The following SLC16A12 variants were observed in gnomAD, a reference collection of about 807,000 sequenced individuals.
The protein encoded by SLC16A12 is solute carrier family 16 member 12.
In SLC16A12, 17 loss-of-function variants were observed where a neutral mutation model predicts 42.4. The ratio of observed to expected loss-of-function variants is 0.40; its 90% CI spans 0.27 to 0.60. The LOEUF (loss-of-function observed/expected upper bound fraction) is 0.60, where lower values mean the gene tolerates loss of function less well. SLC16A12 is among the 20% of genes least tolerant of loss of function. The pLI is 0.42. For synonymous variants in SLC16A12, 224 were observed against 229.4 expected (o/e 0.98, Z 0.21); for missense variants, 544 against 623.0 (o/e 0.87, Z 1.35).
At chr10:89,499,935 A>G (rs994657093) in intron 2 of SLC16A12, among the ~76,000 whole-genome samples, 2 of 152,226 alleles carry the variant, frequency 1.3e-5, no homozygotes, top group Non-Finnish European at 2.9e-5. Flanking sequence ...AGAAAATCCA[A>G]ATAAGCTCGA....
intron 2 of SLC16A12, among the ~76,000 whole-genome samples, chr10:89,543,896 A>G (rs1252470403): frequency 6.6e-6 from 1 of 152,230 alleles, no homozygotes; most frequent in African/African-American, 2.4e-5. Context: ...TAAGTGCCCA[A>G]TATGTGTCAG....
At chr10:89,490,788 C>G (rs1842834900) in intron 2 of SLC16A12, among the ~76,000 whole-genome samples, 2 of 152,172 alleles carry the variant, frequency 1.3e-5, no homozygotes, top group Non-Finnish European at 2.9e-5. Flanking sequence ...TTCGGCCCCT[C>G]TCTACTCCTG....
intron 2 of SLC16A12, among the ~76,000 whole-genome samples, chr10:89,549,667 G>T (rs546856235): frequency 6.6e-6 from 1 of 152,034 alleles, no homozygotes; most frequent in Non-Finnish European, 1.5e-5. Context: ...GCTTTAGGGC[G>T]TTTCCACCTA....
chr10:89,457,076 C>T (rs543916962), intron 3 of SLC16A12, among the ~76,000 whole-genome samples: 16 of 151,916 alleles, frequency 1.1e-4, no homozygotes, highest in African/African-American at 2.7e-4. Flanking sequence ...GTATATACCC[C>T]GTAATGGGAT....
At chr10:89,535,923 G>A (rs748756427), upstream of SLC16A12, among the ~76,000 whole-genome samples, 1 of 152,254 alleles carries the variant, frequency 6.6e-6, no homozygotes, top group Non-Finnish European at 1.5e-5. Flanking sequence ...CCTTCGAAAT[G>A]CACCGGCTCA....
At chr10:89,528,002 C>T (rs1384051260) in intron 2 of SLC16A12, among the ~76,000 whole-genome samples, 1 of 152,076 alleles carries the variant, frequency 6.6e-6, no homozygotes, top group African/African-American at 2.4e-5. Context: ...GTTTAAACTC[C>T]TATCTTTCTT....
At chr10:89,544,339 T>A (rs1044794072) in intron 2 of SLC16A12, among the ~76,000 whole-genome samples, 1 of 152,156 alleles carries the variant, frequency 6.6e-6, no homozygotes, top group Non-Finnish European at 1.5e-5. Flanking sequence ...CCCAACCAGA[T>A]GTGGAGTATG....
chr10:89,462,854 C>A, intron 2 of SLC16A12: 1 of 397,680 alleles, frequency 2.5e-6, no homozygotes, highest in Non-Finnish European at 4.4e-6. Context: ...TATTTGATAC[C>A]ATTTTTCCCT....
intron 2 of SLC16A12, among the ~76,000 whole-genome samples, chr10:89,481,249 T>C (rs537569725): frequency 6.6e-5 from 10 of 152,310 alleles, no homozygotes; most frequent in Admixed American, 2.0e-4. Context: ...ATGAATGAGC[T>C]CTTCCTGTAT....
intron 7 of SLC16A12, among the ~76,000 whole-genome samples, chr10:89,435,416 G>T (rs990606588): frequency 2.0e-5 from 3 of 151,750 alleles, no homozygotes; most frequent in Non-Finnish European, 4.4e-5. Context: ...CTTCTTCCTT[G>T]CCCCCAGAGC....
chr10:89,473,059 T>G (rs1842525913), intron 2 of SLC16A12, among the ~76,000 whole-genome samples: 1 of 152,076 alleles, frequency 6.6e-6, no homozygotes, highest in Non-Finnish European at 1.5e-5. Flanking sequence ...GCTCAAGCGA[T>G]TCTCCTGCTT....
At chr10:89,547,451 A>G (rs756474843) in intron 2 of SLC16A12, among the ~76,000 whole-genome samples, 15 of 152,206 alleles carry the variant, frequency 9.9e-5, no homozygotes, top group Non-Finnish European at 1.9e-4. Flanking sequence ...CAAATAAATC[A>G]ACCAGAATTC....
rs140068667 is a variant in SLC16A12, at chr10:89,529,549, CTTTTTT to C, written c.-47+4946_-47+4951del. On this transcript the variant is annotated intron_variant, in intron 2 of 7. Coordinates refer to ENST00000371790, the MANE Select transcript of SLC16A12 (RefSeq NM_213606.4). ...ACTGAGTCCCAATTTCCTTTACAGTCTTTTTTTTTTTTTTTTTTGAGACAGTCTCTC... is the reference window on the plus strand; with the variant it reads ...ACTGAGTCCCAATTTCCTTTACAGTCTTTTTTTTTTTTGAGACAGTCTCTC... Among the ~76,000 whole-genome samples, 6 of 129,938 alleles carry C rather than the reference CTTTTTT, an allele frequency of 4.6e-5. No homozygotes were observed. In the Admixed American group the frequency reaches 4.6e-4, roughly 10 times the overall value. 85.2% of individuals were successfully genotyped at this position (129,938 alleles called of 152,430 possible). A position where few individuals can be genotyped will look rare whatever the true frequency, so the allele number is the denominator to read the frequency against.
At chr10:89,437,930 A>G (rs1184278817) in intron 6 of SLC16A12, among the ~76,000 whole-genome samples, 2 of 152,240 alleles carry the variant, frequency 1.3e-5, no homozygotes, top group East Asian at 3.8e-4. Context: ...TGCATTGTCA[A>G]ACATGAATAT....
At chr10:89,445,276 C>T (rs746775533) in intron 3 of SLC16A12, among the ~76,000 whole-genome samples, 2 of 152,270 alleles carry the variant, frequency 1.3e-5, no homozygotes, top group Admixed American at 6.5e-5. Context: ...AGACTGCCTC[C>T]TCAAGTGGGT....
rs755537113 is a variant in SLC16A12, at chr10:89,438,881, G to A, written c.751C>T (p.Arg251Trp). 47 of 1,613,532 alleles carry A rather than the reference G, an allele frequency of 2.9e-5. No homozygotes were observed. Among genetic ancestry groups the A allele is most frequent in the South Asian group, 4.4e-5 (4 of 91,054 alleles). Residue 251 changes from arginine to tryptophan, a missense_variant, in exon 6 of 8, where the codon CGG becomes TGG. Arg to Trp is a moderately radical substitution (Grantham distance 101). Coordinates refer to ENST00000371790, the MANE Select transcript of SLC16A12 (RefSeq NM_213606.4). ...GTCAAAGATGAATAGGGAGACACCC[G>A]CTTAATGTCTTCTTTCTGAGTTCTA... is the stretch of plus-strand genomic sequence containing the variant. ...VCRTQKEDIK[R>W]VSPYSSLTKE...
chr10:89,471,971 G>T (rs542725409), intron 2 of SLC16A12, among the ~76,000 whole-genome samples: 2 of 152,010 alleles, frequency 1.3e-5, no homozygotes, highest in East Asian at 3.9e-4. Context: ...TTACTAGGTG[G>T]TCTGTTTTTT....
chr10:89,518,028 T>A (rs890634783), intron 2 of SLC16A12, among the ~76,000 whole-genome samples: 3 of 152,204 alleles, frequency 2.0e-5, no homozygotes, highest in Admixed American at 6.5e-5. Flanking sequence ...AGTGACTTGC[T>A]CAAAGTCACT....
chr10:89,539,898 T>TTTCTTTCC (rs1554834027), upstream of SLC16A12, among the ~76,000 whole-genome samples: 91 of 148,188 alleles, frequency 6.1e-4, no homozygotes, highest in African/African-American at 2.2e-3. Flanking sequence ...TCTTTCTTTC[T>TTTCTTTCC]TTCTTTCTTT....
Sources: allele counts gnomAD v4.1 joint callset (sites outside exome capture counted in the v4.1 genomes callset), GRCh38; gene constraint gnomAD v4.1.1; transcripts MANE v1.5; gene names NCBI Gene and HGNC (gene_info 2026-07-23, HGNC 2026-07-21).